ANKRD30A: variants seen among roughly 807,000 people sequenced by gnomAD.
ANKRD30A encodes ankyrin repeat domain-containing protein 30A.
In ANKRD30A, 170 loss-of-function variants were observed where a neutral mutation model predicts 166.3. The observed-to-expected ratio is 1.02, with a 90% CI of 0.90 to 1.16. ANKRD30A has a LOEUF of 1.16. ANKRD30A is among the 50% of genes most tolerant of loss of function. The probability of loss-of-function intolerance (pLI) is 0.00; values close to 1 mark genes in which losing one functional copy is unlikely to be tolerated. For synonymous variants in ANKRD30A, 564 were observed against 508.9 expected, an observed-to-expected ratio of 1.11 and a Z score of -1.46; for missense variants, 1,630 against 1,518.0, an observed-to-expected ratio of 1.07 and a Z score of -1.23.
Position 37,142,298 on chromosome 10 carries a change from G to A in ANKRD30A, c.1393+8G>A, listed in dbSNP as rs372823949. The A allele has an allele frequency of 3.3e-4, 522 of 1,575,488 alleles. No homozygotes were observed. The highest frequency in any genetic ancestry group is 4.3e-4 in the Non-Finnish European group (500 of 1,167,228). On this transcript the variant is annotated splice_region_variant and intron_variant, in intron 7 of 35. Coordinates refer to ENST00000361713, the MANE Select transcript of ANKRD30A (RefSeq NM_052997.3). ...CAAAAGCAAGTGCCAATGGTAAGAT[G>A]CTAGAGCGAACTTTGTAAGGTTTAT... is the stretch of plus-strand genomic sequence containing the variant.
chr10:37,213,376 T>G (rs1842438339), intron 31 of ANKRD30A, among the ~76,000 whole-genome samples: 1 of 151,774 alleles, frequency 6.6e-6, no homozygotes, highest in Non-Finnish European at 1.5e-5. Flanking sequence ...ATTAATCCAT[T>G]TATGAAGGGT....
intron 27 of ANKRD30A, among the ~76,000 whole-genome samples, chr10:37,193,495 T>A (rs1321051264): frequency 6.6e-6 from 1 of 152,050 alleles, no homozygotes; most frequent in Non-Finnish European, 1.5e-5. Flanking sequence ...AATGTCCTGA[T>A]CGGATAAAGT....
the ANKRD30A span, among the ~76,000 whole-genome samples, chr10:37,238,501 A>C: frequency 6.6e-6 from 1 of 152,140 alleles, no homozygotes; most frequent in African/African-American, 2.4e-5. Flanking sequence ...AGGAGGGTAA[A>C]AAATGGCGTC....
At chr10:37,190,047 G>A (rs1312385854) in intron 25 of ANKRD30A, among the ~76,000 whole-genome samples, 1 of 151,776 alleles carries the variant, frequency 6.6e-6, no homozygotes, top group Non-Finnish European at 1.5e-5. Flanking sequence ...TCTCACTTGT[G>A]GGAAGCCATT....
At chr10:37,264,025 A>T in the ANKRD30A span, among the ~76,000 whole-genome samples, 1 of 152,226 alleles carries the variant, frequency 6.6e-6, no homozygotes, top group East Asian at 1.9e-4. Context: ...AAAAATGAAC[A>T]ACTCAGTAGA....
chr10:37,128,896 T>C (rs1836215329), intron 1 of ANKRD30A, among the ~76,000 whole-genome samples: 3 of 152,124 alleles, frequency 2.0e-5, no homozygotes, highest in Admixed American at 2.0e-4. Context: ...ATAATAGCTT[T>C]GAATAGTAAT....
intron 8 of ANKRD30A, 79 bp from the exon 9 acceptor site, chr10:37,147,291 T>A: frequency 8.7e-7 from 1 of 1,154,160 alleles, no homozygotes; most frequent in East Asian, 2.6e-5. Flanking sequence ...AGAAATTGAG[T>A]TTAAAAAATA....
At chr10:37,162,068 T>G (rs1444956920) in intron 15 of ANKRD30A, among the ~76,000 whole-genome samples, 1 of 152,112 alleles carries the variant, frequency 6.6e-6, no homozygotes, top group Non-Finnish European at 1.5e-5. Flanking sequence ...CTTGCATGAG[T>G]GGATCCAGAA....
intron 31 of ANKRD30A, among the ~76,000 whole-genome samples, chr10:37,210,560 T>G (rs966827762): frequency 6.6e-6 from 1 of 152,172 alleles, no homozygotes; most frequent in East Asian, 1.9e-4. Context: ...CTACAATGGT[T>G]GAACTAATTT....
intron 9 of ANKRD30A, 125 bp from the exon 10 acceptor site, chr10:37,149,526 C>A: frequency 8.3e-7 from 1 of 1,205,146 alleles, no homozygotes; most frequent in Non-Finnish European, 1.2e-6. Flanking sequence ...AGAAAACTTT[C>A]CAAATCTAAA....
At chr10:37,252,213 A>T in the ANKRD30A span, among the ~76,000 whole-genome samples, 2 of 152,208 alleles carry the variant, frequency 1.3e-5, no homozygotes, top group Admixed American at 6.5e-5. Flanking sequence ...ACCATAAAAA[A>T]TGGCTCCTGA....
chr10:37,205,254 G>A (rs1200002348), intron 31 of ANKRD30A, among the ~76,000 whole-genome samples: 1 of 152,068 alleles, frequency 6.6e-6, no homozygotes, highest in Admixed American at 6.6e-5. Flanking sequence ...ATACACCATG[G>A]AATTCTCTGC....
intron 27 of ANKRD30A, among the ~76,000 whole-genome samples, chr10:37,195,245 T>C (rs1385284929): frequency 6.6e-6 from 1 of 152,194 alleles, no homozygotes; most frequent in Non-Finnish European, 1.5e-5. Flanking sequence ...GAGTCTTTTT[T>C]CTCTTTTTCT....
intron 34 of ANKRD30A, among the ~76,000 whole-genome samples, chr10:37,222,425 A>G (rs1271870146): frequency 6.6e-6 from 1 of 151,338 alleles, no homozygotes; most frequent in African/African-American, 2.4e-5. Flanking sequence ...TCTATTTTGT[A>G]GTACATATCA....
chr10:37,136,072 G>A (rs903233192), intron 5 of ANKRD30A, among the ~76,000 whole-genome samples: 25 of 151,886 alleles, frequency 1.6e-4, no homozygotes, highest in South Asian at 4.1e-4. Flanking sequence ...CATCACAGGC[G>A]TCAGGCACTG....
the ANKRD30A span, among the ~76,000 whole-genome samples, chr10:37,255,046 G>T: frequency 6.6e-6 from 1 of 151,968 alleles, no homozygotes; most frequent in Non-Finnish European, 1.5e-5. Flanking sequence ...ATGAAGCCCG[G>T]TTCATTTTCT....
intron 8 of ANKRD30A, among the ~76,000 whole-genome samples, chr10:37,145,466 A>T (rs1837433336): frequency 6.6e-6 from 1 of 150,922 alleles, no homozygotes; most frequent in African/African-American, 2.4e-5. Flanking sequence ...ATTGCACTCC[A>T]GTCTGGGTGA....
intron 15 of ANKRD30A, among the ~76,000 whole-genome samples, chr10:37,162,124 A>T (rs1271688268): frequency 6.6e-6 from 1 of 152,180 alleles, no homozygotes; most frequent in African/African-American, 2.4e-5. Context: ...TAGGCATATG[A>T]TTACACCATA....
At chr10:37,233,899 C>A (rs532769444), downstream of ANKRD30A, among the ~76,000 whole-genome samples, 16 of 152,112 alleles carry the variant, frequency 1.1e-4, no homozygotes, top group East Asian at 2.9e-3. Context: ...TTCTAGAAAG[C>A]AAAATGTTAA....
Sources: gnomAD v4.1 joint callset for allele counts (sites outside exome capture counted in the v4.1 genomes callset) on GRCh38, gnomAD v4.1.1 for gene constraint, MANE v1.5 for transcripts, NCBI Gene and HGNC (gene_info 2026-07-23, HGNC 2026-07-21) for gene names.